HAPLN1: variants seen among roughly 807,000 people sequenced by gnomAD.
HAPLN1 encodes hyaluronan and proteoglycan link protein 1.
In HAPLN1, 13 loss-of-function variants were observed where a neutral mutation model predicts 36.5. That is an observed-to-expected ratio of 0.36 (90% CI 0.23 to 0.57). The LOEUF (loss-of-function observed/expected upper bound fraction) is 0.57. Among genes scored for constraint, HAPLN1 ranks in the 20% least tolerant of loss-of-function variants. The probability of loss-of-function intolerance (pLI) is 0.83; values close to 1 mark genes in which losing one functional copy is unlikely to be tolerated. For synonymous variants in HAPLN1, 202 were observed against 169.8 expected (o/e 1.19, Z -1.48); for missense variants, 407 against 439.7 (o/e 0.93, Z 0.66).
chr5:83,677,356 C>T lies in HAPLN1; in HGVS notation c.-26-3807G>A, dbSNP rs146937608. On this transcript the variant is annotated intron_variant, in intron 1 of 4. Coordinates refer to ENST00000274341, the MANE Select transcript of HAPLN1 (RefSeq NM_001884.4). ...ATTACCATTGTCGTGGGTCCCCTGA[C>T]GAGTGCTGTCGGCTCTCTCTTAGCC... Among the ~76,000 whole-genome samples, 15 of 152,310 alleles carry T rather than the reference C, an allele frequency of 9.8e-5. No homozygotes were observed. In the East Asian group the frequency reaches 1.5e-3, roughly 16 times the overall value.
intron 1 of HAPLN1, among the ~76,000 whole-genome samples, chr5:83,698,103 A>T (rs997583400): frequency 2.6e-5 from 4 of 152,114 alleles, no homozygotes; most frequent in Non-Finnish European, 5.9e-5. Context: ...AAGGTCATTA[A>T]TATTTACACC....
intron 4 of HAPLN1, among the ~76,000 whole-genome samples, chr5:83,642,694 T>C (rs1337549937): frequency 6.6e-6 from 1 of 152,172 alleles, no homozygotes; most frequent in Non-Finnish European, 1.5e-5. Flanking sequence ...CTGACCCTCA[T>C]TAGATATAGG....
chr5:83,650,462 C>T (rs755958154), intron 3 of HAPLN1, among the ~76,000 whole-genome samples: 2 of 152,052 alleles, frequency 1.3e-5, no homozygotes, highest in Admixed American at 6.5e-5. Flanking sequence ...TTCTTTCCAT[C>T]TCATGGCACC....
intron 2 of HAPLN1, among the ~76,000 whole-genome samples, chr5:83,657,343 C>T (rs1349613285): frequency 6.6e-6 from 1 of 152,160 alleles, no homozygotes; most frequent in Non-Finnish European, 1.5e-5. Context: ...GGTGATCCAC[C>T]TGCCTCAGCC....
At chr5:83,675,324 T>A (rs2112601950) in intron 1 of HAPLN1, 1 of 152,156 alleles carries the variant, frequency 6.6e-6, no homozygotes. Context: ...TTTACAGGAA[T>A]CAGAGAAGGG....
At chr5:83,642,276 A>G (rs1749724511) in intron 4 of HAPLN1, among the ~76,000 whole-genome samples, 2 of 152,208 alleles carry the variant, frequency 1.3e-5, no homozygotes, top group African/African-American at 4.8e-5. Flanking sequence ...TACAGGTATC[A>G]ATTAGACATT....
At chr5:83,703,417 T>C (rs977491554) in intron 1 of HAPLN1, 1 of 152,208 alleles carries the variant, frequency 6.6e-6, no homozygotes, top group African/African-American at 2.4e-5. Context: ...CAGTTCTTTT[T>C]TAAAATTCTC....
At chr5:83,658,499 G>A (rs1198779781) in intron 2 of HAPLN1, among the ~76,000 whole-genome samples, 1 of 152,120 alleles carries the variant, frequency 6.6e-6, no homozygotes, top group Admixed American at 6.5e-5. Context: ...AAACAGTTAT[G>A]TACATTAAAG....
rs1019888263 is a variant in HAPLN1, at chr5:83,638,323, G to A, written c.*3173C>T. On this transcript the variant is annotated 3_prime_UTR_variant, in exon 5 of 5. Transcript: ENST00000274341. The stretch of plus-strand genomic sequence containing the variant: ...AAGTTATACTTGATATCTATTAAAT[G>A]CCTTTAAATATTGGTTTTCTTTTAA... 4 of 151,742 alleles carry A rather than the reference G, an allele frequency of 2.6e-5. No individual in the cohort carries two copies. The highest frequency in any genetic ancestry group is 2.6e-4 in the Admixed American group (4 of 15,226). The allele number at this position is 151,742 out of a possible 1,614,324, so 9.4% of individuals were successfully genotyped here.
chr5:83,717,031 C>T (rs1255723533), intron 1 of HAPLN1, among the ~76,000 whole-genome samples: 1 of 150,822 alleles, frequency 6.6e-6, no homozygotes, highest in African/African-American at 2.4e-5. Flanking sequence ...GACTCCATCT[C>T]AAGGAAAAAA....
chr5:83,713,999 G>A (rs1451145136), intron 1 of HAPLN1, among the ~76,000 whole-genome samples: 1 of 152,142 alleles, frequency 6.6e-6, no homozygotes. Context: ...GGTAAGAAGA[G>A]ACATAAGGAA....
chr5:83,680,168 A>G (rs1185608601), intron 1 of HAPLN1, among the ~76,000 whole-genome samples: 1 of 152,122 alleles, frequency 6.6e-6, no homozygotes, highest in African/African-American at 2.4e-5. Context: ...GGCCCCTTAG[A>G]ACCTGCTTTA....
chr5:83,702,286 A>T (rs1317128387), intron 1 of HAPLN1, among the ~76,000 whole-genome samples: 6 of 152,154 alleles, frequency 3.9e-5, no homozygotes, highest in Non-Finnish European at 8.8e-5. Context: ...AAAAAAATAG[A>T]TATAACATTG....
intron 1 of HAPLN1, among the ~76,000 whole-genome samples, chr5:83,684,443 G>A (rs566925160): frequency 6.6e-6 from 1 of 152,290 alleles, no homozygotes; most frequent in East Asian, 1.9e-4. Flanking sequence ...CCAGCATGCA[G>A]TCGGAATGGT....
intron 1 of HAPLN1, among the ~76,000 whole-genome samples, chr5:83,687,275 A>C (rs1751152674): frequency 6.6e-6 from 1 of 152,198 alleles, no homozygotes; most frequent in Non-Finnish European, 1.5e-5. Flanking sequence ...CGTTCCTCTC[A>C]TGGAGGAGAA....
chr5:83,668,733 A>G (rs1297996368), intron 2 of HAPLN1, among the ~76,000 whole-genome samples: 1 of 152,210 alleles, frequency 6.6e-6, no homozygotes, highest in Non-Finnish European at 1.5e-5. Context: ...AGCACCTACT[A>G]TGTGCCTGGC....
intron 1 of HAPLN1, among the ~76,000 whole-genome samples, chr5:83,687,706 G>T (rs6873819): frequency 0.024 from 3,724 of 152,142 alleles, 156 homozygotes; most frequent in African/African-American, 0.085. Flanking sequence ...TAACTGTTTT[G>T]CAAGTTATAT....
chr5:83,693,569 CTA>C (rs1751326660), intron 1 of HAPLN1, among the ~76,000 whole-genome samples: 1 of 138,390 alleles, frequency 7.2e-6, no homozygotes, highest in African/African-American at 2.5e-5. Context: ...AAAAGAACCA[CTA>C]TATGTTTTTT....
intron 2 of HAPLN1, among the ~76,000 whole-genome samples, chr5:83,665,145 G>C (rs1750517321): frequency 6.6e-6 from 1 of 151,802 alleles, no homozygotes; most frequent in Admixed American, 6.6e-5. Flanking sequence ...TTAAAAATTT[G>C]TAATTTACCT....
Sources: gnomAD v4.1 joint callset for allele counts (sites outside exome capture counted in the v4.1 genomes callset) on GRCh38, gnomAD v4.1.1 for gene constraint, MANE v1.5 for transcripts, NCBI Gene and HGNC (gene_info 2026-07-23, HGNC 2026-07-21) for gene names.